The following PRDM11 variants were observed in gnomAD, a reference collection of about 807,000 sequenced individuals.
The protein encoded by PRDM11 is PR/SET domain 11.
Under a neutral mutation model 97.8 loss-of-function variants are expected in PRDM11, and 20 were observed. The ratio of observed to expected loss-of-function variants is 0.20; its 90% CI spans 0.14 to 0.30. The LOEUF is 0.30. Among genes scored for constraint, PRDM11 ranks in the 10% least tolerant of loss-of-function variants. PRDM11 has a pLI of 1.00. For missense variants in PRDM11, 1,139 were observed against 1,555.2 expected (o/e 0.73, Z 4.50); for synonymous variants, 599 against 637.7 (o/e 0.94, Z 0.91).
chr11:45,175,831 A>G (rs1379899566), intron 1 of PRDM11, among the ~76,000 whole-genome samples: 1 of 152,246 alleles, frequency 6.6e-6, no homozygotes, highest in Non-Finnish European at 1.5e-5. Context: ...TCTGAATAAC[A>G]TCAAGATTTT....
chr11:45,169,360 C>G (rs1353108110), intron 1 of PRDM11, among the ~76,000 whole-genome samples: 1 of 152,212 alleles, frequency 6.6e-6, no homozygotes, highest in Non-Finnish European at 1.5e-5. Flanking sequence ...ACTGTCACAG[C>G]CTAGAGCTGT....
At chr11:45,144,147 C>T (rs112824118), upstream of PRDM11, among the ~76,000 whole-genome samples, 4 of 152,198 alleles carry the variant, frequency 2.6e-5, no homozygotes, top group Non-Finnish European at 1.5e-5. Flanking sequence ...GTGCCTTGGC[C>T]TTGACTATGT....
upstream of PRDM11, among the ~76,000 whole-genome samples, chr11:45,146,285 T>A (rs1851505758): frequency 6.6e-6 from 1 of 152,210 alleles, no homozygotes; most frequent in East Asian, 1.9e-4. Context: ...TGGTTCCAAA[T>A]GGACAGCCAC....
At position 45,224,259 on chromosome 11, in the gene PRDM11, A is replaced by G. The variant is rs768446165; in HGVS notation, c.785A>G (p.Asp262Gly). The change falls in exon 7 of 8, where the codon GAT becomes GGT. Residue 262 changes from aspartate to glycine, a missense_variant. This residue lies in a region of PRDM11 where 429 missense variants were observed against 510.3 expected (regional missense o/e 0.84). Transcript: ENST00000683152. ...AGGGAGAAGTCTGAGCAGGTTCTGGATAACCCAGAAGACCTGAGGGGTCCC... is the reference window on the plus strand; with the variant it reads ...AGGGAGAAGTCTGAGCAGGTTCTGGGTAACCCAGAAGACCTGAGGGGTCCC... Reference protein sequence around the residue: ...LQREKSEQVLDNPEDLRGPIH... With the variant: ...LQREKSEQVLGNPEDLRGPIH... 6.2e-7 allele frequency: 1 copy of G among 1,611,442 alleles called. No individual in the cohort carries two copies. Among genetic ancestry groups the G allele is most frequent in the South Asian group, 1.1e-5 (1 of 90,462 alleles).
At chr11:45,178,811 T>G (rs977873378) in intron 1 of PRDM11, among the ~76,000 whole-genome samples, 1 of 152,206 alleles carries the variant, frequency 6.6e-6, no homozygotes, top group Non-Finnish European at 1.5e-5. Context: ...GGCTTGTCTT[T>G]CCCTAGTCTT....
intron 1 of PRDM11, among the ~76,000 whole-genome samples, chr11:45,116,466 A>T (rs1450990031): frequency 1.3e-5 from 2 of 152,230 alleles, no homozygotes; most frequent in Non-Finnish European, 2.9e-5. Flanking sequence ...AATAGAATTA[A>T]GTTGGATAGC....
chr11:45,223,610 C>T (rs961020152), intron 6 of PRDM11, among the ~76,000 whole-genome samples: 3 of 152,134 alleles, frequency 2.0e-5, no homozygotes, highest in Non-Finnish European at 2.9e-5. Context: ...GTGAGAACAA[C>T]AGAAGTTCAG....
In PRDM11 at chr11:45,227,004, C is replaced by T. The variant is rs1590482504; in HGVS notation, c.2379C>T (p.Ser793=). Reference sequence around the variant, plus strand: ...AGAACAACCTGAAGCAGCTGCTGAGCTTCTACCGCTACTCACCGCGCCTCA... The same window carrying T: ...AGAACAACCTGAAGCAGCTGCTGAGTTTCTACCGCTACTCACCGCGCCTCA... ...ELENNLKQLL[S]FYRYSPRLMC... Residue 793 remains serine (S), a synonymous_variant, in exon 8 of 8, where the codon AGC becomes AGT. Transcript: ENST00000683152. This position sits in a 1 kb window ranked among gnomAD's most constrained non-coding sequence, Gnocchi z 8.0. The T allele has an allele frequency of 3.3e-6, 5 of 1,533,972 alleles. No individual in the cohort carries two copies. Among genetic ancestry groups the T allele is most frequent in the East Asian group, 4.9e-5 (2 of 40,918 alleles).
chr11:45,163,494 G>GT (rs1590395539), intron 1 of PRDM11, among the ~76,000 whole-genome samples: 1 of 151,526 alleles, frequency 6.6e-6, no homozygotes, highest in African/African-American at 2.4e-5. Flanking sequence ...AGGATGGGGG[G>GT]GGGTACCCGG....
At chr11:45,222,012 G>C (rs1854134342) in intron 6 of PRDM11, among the ~76,000 whole-genome samples, 1 of 152,220 alleles carries the variant, frequency 6.6e-6, no homozygotes, top group Non-Finnish European at 1.5e-5. Flanking sequence ...ATGGAGTCCA[G>C]AGCATGAATT....
At chr11:45,126,480 G>T (rs1852576164) in intron 1 of PRDM11, among the ~76,000 whole-genome samples, 2 of 152,110 alleles carry the variant, frequency 1.3e-5, no homozygotes, top group Middle Eastern at 3.2e-3. Context: ...GGTACCGGTT[G>T]TTCCTTTCCA....
intron 1 of PRDM11, among the ~76,000 whole-genome samples, chr11:45,130,971 G>C (rs1852705768): frequency 6.6e-6 from 1 of 152,126 alleles, no homozygotes; most frequent in Non-Finnish European, 1.5e-5. Context: ...CAGCAGCTTT[G>C]TTTAAAATAG....
chr11:45,147,688 G>C (rs1428413047), intron 1 of PRDM11: 2 of 152,260 alleles, frequency 1.3e-5, no homozygotes, highest in Admixed American at 6.5e-5. Flanking sequence ...CCAATGTCTT[G>C]GGCGATGCTG....
chr11:45,113,430 T>C (rs1490558939), intron 1 of PRDM11, among the ~76,000 whole-genome samples: 2 of 152,196 alleles, frequency 1.3e-5, no homozygotes, highest in Non-Finnish European at 2.9e-5. Context: ...GCTTTGGTTA[T>C]ACAGGATTTT....
At chr11:45,152,464 A>G (rs187214376) in intron 1 of PRDM11, among the ~76,000 whole-genome samples, 97 of 152,168 alleles carry the variant, frequency 6.4e-4, no homozygotes, top group African/African-American at 2.1e-3. Context: ...CCCATGCCCC[A>G]TGTTTTACTT....
chr11:45,206,228 C>G (rs1163463349), intron 5 of PRDM11, among the ~76,000 whole-genome samples: 2 of 152,358 alleles, frequency 1.3e-5, no homozygotes, highest in South Asian at 2.1e-4. Context: ...TGGCCCTTCC[C>G]GGGCTCACAC....
intron 1 of PRDM11, among the ~76,000 whole-genome samples, chr11:45,110,541 C>A (rs754948532): frequency 7.2e-5 from 11 of 152,330 alleles, no homozygotes; most frequent in Non-Finnish European, 1.0e-4. Flanking sequence ...TGAGCTGGAA[C>A]CGCCAAGGGG....
rs1854390143 is a variant in PRDM11 at position 45,231,056 on chromosome 11, A to G, written c.*2897A>G. ...AAGCTAACCTCTCAGGTGGTCTTGA[A>G]GTTAGGTTAGGGCATCCCTAAAACT... On this transcript the variant is annotated 3_prime_UTR_variant, in exon 8 of 8. Transcript: ENST00000683152. The G allele has an allele frequency of 6.6e-6, 1 of 152,226 alleles. No homozygotes were observed. Among genetic ancestry groups the G allele is most frequent in the Non-Finnish European group, 1.5e-5 (1 of 68,066 alleles). 9.4% of individuals were successfully genotyped at this position (152,226 alleles called of 1,614,324 possible). A position where few individuals can be genotyped will look rare whatever the true frequency, so the allele number is the denominator to read the frequency against.
intron 1 of PRDM11, among the ~76,000 whole-genome samples, chr11:45,112,072 A>G (rs1361726788): frequency 6.6e-6 from 1 of 152,118 alleles, no homozygotes; most frequent in Non-Finnish European, 1.5e-5. Flanking sequence ...ACTGTACCCA[A>G]TATGTAGTCT....
Sources: gnomAD v4.1 joint callset for allele counts (sites outside exome capture counted in the v4.1 genomes callset) on GRCh38, gnomAD v4.1.1 for gene constraint, gnomAD v4.1.1 regional missense constraint, Gnocchi (gnomAD v3.1) non-coding constraint, MANE v1.5 for transcripts, NCBI Gene and HGNC (gene_info 2026-07-23, HGNC 2026-07-21) for gene names.